The following KIAA1328 variants were observed in gnomAD, a reference collection of about 807,000 sequenced individuals.
KIAA1328 encodes the protein protein hinderin.
A neutral mutation model predicts 68.1 loss-of-function variants in KIAA1328; 52 were observed. The ratio of observed to expected loss-of-function variants is 0.76; its 90% confidence interval spans 0.61 to 0.96. The LOEUF (loss-of-function observed/expected upper bound fraction) is 0.96, where lower values mean the gene tolerates loss of function less well. Among genes scored for constraint, KIAA1328 ranks in the 40% least tolerant of loss-of-function variants. KIAA1328 has a pLI of 0.00. For missense variants in KIAA1328, 641 were observed against 677.6 expected (o/e 0.95, Z 0.60); for synonymous variants, 232 against 239.4 (o/e 0.97, Z 0.28).
chr18:36,883,274 G>A (rs925691177), intron 4 of KIAA1328, among the ~76,000 whole-genome samples: 6 of 152,086 alleles, frequency 3.9e-5, no homozygotes, highest in East Asian at 1.9e-4. Flanking sequence ...GAGCACTGGC[G>A]TGATGCTAAA....
chr18:36,871,125 C>T (rs1163615775), intron 4 of KIAA1328, among the ~76,000 whole-genome samples: 1 of 152,128 alleles, frequency 6.6e-6, no homozygotes, highest in Non-Finnish European at 1.5e-5. Context: ...ATCTGGCCCA[C>T]GTGAAGGGAA....
At chr18:37,159,614 A>G (rs560528886) in intron 7 of KIAA1328, among the ~76,000 whole-genome samples, 2 of 152,312 alleles carry the variant, frequency 1.3e-5, no homozygotes, top group African/African-American at 4.8e-5. Flanking sequence ...AGAGAAGAAA[A>G]TATGTACATG....
intron 7 of KIAA1328, among the ~76,000 whole-genome samples, chr18:37,153,624 CTTTTTTT>C (rs772159270): frequency 1.0e-4 from 10 of 95,670 alleles, no homozygotes; most frequent in Admixed American, 2.4e-4. Context: ...AATCCAATAG[CTTTTTTT>C]TTTTTTTTTT....
At chr18:37,142,955 G>GTT (rs1415751411) in intron 7 of KIAA1328, among the ~76,000 whole-genome samples, 14 of 126,572 alleles carry the variant, frequency 1.1e-4, no homozygotes, top group African/African-American at 3.9e-4. Flanking sequence ...TTTTTTTTTT[G>GTT]TTTTTTTTTT....
chr18:36,962,381 A>G (rs2151283549), intron 6 of KIAA1328, among the ~76,000 whole-genome samples: 2 of 152,352 alleles, frequency 1.3e-5, no homozygotes, highest in East Asian at 3.9e-4. Context: ...GGGAGAATTT[A>G]ACACCCCACT....
At chr18:36,967,984 A>T (rs1393925915) in intron 6 of KIAA1328, among the ~76,000 whole-genome samples, 1 of 152,214 alleles carries the variant, frequency 6.6e-6, no homozygotes, top group Non-Finnish European at 1.5e-5. Flanking sequence ...ATAGATGGGG[A>T]GAAACAACTT....
At chr18:37,219,731 G>C (rs2060520196) in intron 9 of KIAA1328, among the ~76,000 whole-genome samples, 1 of 152,182 alleles carries the variant, frequency 6.6e-6, no homozygotes, top group South Asian at 2.1e-4. Context: ...GGTACTGCCT[G>C]TCATGGCTTC....
At chr18:36,967,612 A>G (rs747899086) in intron 6 of KIAA1328, among the ~76,000 whole-genome samples, 2 of 152,218 alleles carry the variant, frequency 1.3e-5, no homozygotes, top group Non-Finnish European at 1.5e-5. Context: ...CAGGAGGAAC[A>G]TTTCCCACCA....
At chr18:37,182,731 C>T (rs969940420) in intron 9 of KIAA1328, among the ~76,000 whole-genome samples, 6 of 152,058 alleles carry the variant, frequency 3.9e-5, no homozygotes, top group Admixed American at 2.6e-4. Context: ...TGCAAATATG[C>T]CTGTTACTTT....
At chr18:37,091,714 T>C (rs1478964097) in intron 7 of KIAA1328, among the ~76,000 whole-genome samples, 1 of 152,138 alleles carries the variant, frequency 6.6e-6, no homozygotes, top group Non-Finnish European at 1.5e-5. Flanking sequence ...CTGACATCCC[T>C]CCACATCTTT....
chr18:37,105,430 A>T (rs1017245756), intron 7 of KIAA1328, among the ~76,000 whole-genome samples: 1 of 148,308 alleles, frequency 6.7e-6, no homozygotes, highest in East Asian at 2.0e-4. Flanking sequence ...CTTCGAAGTT[A>T]TAGTAAGCTA....
chr18:37,226,617 T>C (rs2060639638), downstream of KIAA1328, among the ~76,000 whole-genome samples: 1 of 152,174 alleles, frequency 6.6e-6, no homozygotes, highest in African/African-American at 2.4e-5. Flanking sequence ...CTGTCACATA[T>C]ACATGGTTCC....
At chr18:37,189,848 T>C (rs1167642241) in intron 9 of KIAA1328, among the ~76,000 whole-genome samples, 2 of 152,324 alleles carry the variant, frequency 1.3e-5, no homozygotes, top group East Asian at 1.9e-4. Flanking sequence ...AGTGGTACTA[T>C]AGATTTTTTT....
At chr18:36,983,694 T>G (rs1192616771) in intron 6 of KIAA1328, among the ~76,000 whole-genome samples, 1 of 151,988 alleles carries the variant, frequency 6.6e-6, no homozygotes, top group Admixed American at 6.6e-5. Context: ...TACCAAACAT[T>G]TAAGGAAGAA....
intron 7 of KIAA1328, among the ~76,000 whole-genome samples, chr18:37,114,627 A>C (rs1568424543): frequency 6.6e-6 from 1 of 152,222 alleles, no homozygotes; most frequent in South Asian, 2.1e-4. Context: ...AACACATTCA[A>C]AAGCTAGCAG....
intron 6 of KIAA1328, among the ~76,000 whole-genome samples, chr18:36,996,343 C>A (rs1180829158): frequency 6.6e-6 from 1 of 152,068 alleles, no homozygotes; most frequent in Non-Finnish European, 1.5e-5. Context: ...TTATGGAGGT[C>A]AGAGAGATTA....
rs771807992 is a variant in KIAA1328 at position 36,885,556 on chromosome 18, GAGTA to G, written c.336_339del (p.Ser113ArgfsTer5). On this transcript the variant is annotated frameshift_variant and splice_region_variant, in exon 5 of 10. Coordinates refer to ENST00000280020, the MANE Select transcript of KIAA1328 (RefSeq NM_020776.3). LOFTEE classifies it high-confidence loss of function. ...TAAAGGTTTTTTTTTTTTTATTTCA[GAGTA>G]AGTGAGGAAAAGGAAGTGACAGAGG... 2.0e-6 allele frequency: 3 copies of G among 1,497,668 alleles called. No homozygotes were observed. Among genetic ancestry groups the G allele is most frequent in the Middle Eastern group, 3.9e-4 (2 of 5,086 alleles). The allele number at this position is 1,497,668 out of a possible 1,614,324, so 92.8% of individuals were successfully genotyped here.
At chr18:37,157,247 AT>A (rs2059171936) in intron 7 of KIAA1328, among the ~76,000 whole-genome samples, 1 of 152,150 alleles carries the variant, frequency 6.6e-6, no homozygotes, top group Non-Finnish European at 1.5e-5. Context: ...TGGAAGGGAC[AT>A]GGTGAGAGTT....
At chr18:36,905,038 GTATTT>G (rs1366177731) in intron 5 of KIAA1328, among the ~76,000 whole-genome samples, 23 of 151,340 alleles carry the variant, frequency 1.5e-4, no homozygotes, top group Non-Finnish European at 2.4e-4. Context: ...TTTTATACCC[GTATTT>G]TATTTTTATT....
Sources: allele counts gnomAD v4.1 joint callset (sites outside exome capture counted in the v4.1 genomes callset), GRCh38; gene constraint gnomAD v4.1.1; transcripts MANE v1.5; gene names NCBI Gene and HGNC (gene_info 2026-07-23, HGNC 2026-07-21).